The following KATNIP variants were observed in gnomAD, a reference collection of about 807,000 sequenced individuals.
KATNIP encodes the protein katanin-interacting protein.
A neutral mutation model predicts 174.0 loss-of-function variants in KATNIP; 126 were observed. That is an observed-to-expected ratio of 0.72 (90% CI 0.63 to 0.84). The LOEUF is 0.84. KATNIP is among the 40% of genes least tolerant of loss of function. The probability of loss-of-function intolerance (pLI) is 0.00; values close to 1 mark genes in which losing one functional copy is unlikely to be tolerated. For missense variants in KATNIP, 1,958 were observed against 2,109.7 expected (o/e 0.93, Z 1.41); for synonymous variants, 810 against 835.7 (o/e 0.97, Z 0.53).
chr16:27,558,378 C>T (rs2141568764), intron 1 of KATNIP, among the ~76,000 whole-genome samples: 1 of 152,248 alleles, frequency 6.6e-6, no homozygotes, highest in Admixed American at 6.5e-5. Flanking sequence ...CTCCTGACCT[C>T]AAGTGATCTG....
chr16:27,669,059 T>C (rs1431538416), intron 6 of KATNIP, among the ~76,000 whole-genome samples: 1 of 152,174 alleles, frequency 6.6e-6, no homozygotes, highest in Non-Finnish European at 1.5e-5. Context: ...GTCAGCTTAG[T>C]GCCTGATAAT....
intron 8 of KATNIP, among the ~76,000 whole-genome samples, chr16:27,684,360 C>T (rs900408055): frequency 3.9e-5 from 6 of 152,286 alleles, no homozygotes; most frequent in South Asian, 2.1e-4. Context: ...CTTGTGCCAA[C>T]TAAACTATTA....
intron 5 of KATNIP, among the ~76,000 whole-genome samples, chr16:27,632,141 AC>A (rs1377735769): frequency 6.6e-6 from 1 of 152,100 alleles, no homozygotes; most frequent in Admixed American, 6.5e-5. Context: ...TGGATATTTT[AC>A]CTCATAGTCA....
At chr16:27,601,611 C>T (rs549314720) in intron 2 of KATNIP, among the ~76,000 whole-genome samples, 7 of 152,242 alleles carry the variant, frequency 4.6e-5, no homozygotes, top group Non-Finnish European at 7.3e-5. Flanking sequence ...CCACTGCGCC[C>T]GGCCGGCAAT....
At position 27,750,097 on chromosome 16, in the gene KATNIP, A is replaced by G. The variant is rs2081444669; in HGVS notation, c.3137A>G (p.His1046Arg). The G allele has an allele frequency of 6.2e-7, 1 of 1,614,120 alleles. No homozygotes were observed. Among genetic ancestry groups the G allele is most frequent in the Non-Finnish European group, 8.5e-7 (1 of 1,180,020 alleles). ...DGVNRTQDDM[H>R]VWLAPFTRGR... ...GTGAACAGGACCCAGGATGACATGC[A>G]TGTCTGGCTGGCCCCCTTCACGCGG... The change falls in exon 16 of 28, where the codon CAT becomes CGT. Residue 1046 changes from histidine (H) to arginine (R), a missense_variant. This residue lies in a region of KATNIP where 1,557 missense variants were observed against 1,617.8 expected (regional missense o/e 0.96). Transcript: ENST00000261588.
chr16:27,709,069 A>G (rs1032157278), intron 13 of KATNIP, 149 bp downstream of exon 13: 2 of 608,758 alleles, frequency 3.3e-6, no homozygotes, highest in Non-Finnish European at 5.6e-6. Flanking sequence ...CTGTAATCCC[A>G]GCACTTTGGG....
At chr16:27,674,591 C>T (rs2078041873) in intron 6 of KATNIP, among the ~76,000 whole-genome samples, 1 of 152,238 alleles carries the variant, frequency 6.6e-6, no homozygotes, top group South Asian at 2.1e-4. Context: ...CTGCTTCTCT[C>T]TCATAAGGAC....
At chr16:27,674,320 T>A (rs1252078721) in intron 6 of KATNIP, among the ~76,000 whole-genome samples, 1 of 152,184 alleles carries the variant, frequency 6.6e-6, no homozygotes, top group Non-Finnish European at 1.5e-5. Context: ...ATCAAGGCAT[T>A]TAGCAAACCT....
chr16:27,639,991 C>T (rs2076746330), intron 5 of KATNIP, among the ~76,000 whole-genome samples: 1 of 152,186 alleles, frequency 6.6e-6, no homozygotes, highest in Non-Finnish European at 1.5e-5. Flanking sequence ...CCCACACAAC[C>T]ATATGGGGCA....
chr16:27,623,839 A>G (rs79394084), intron 3 of KATNIP, among the ~76,000 whole-genome samples: 3,331 of 152,142 alleles, frequency 0.022, 138 homozygotes, highest in African/African-American at 0.076. Flanking sequence ...GTCACAATTA[A>G]GCCGCTGCCC....
At chr16:27,577,411 G>T (rs1354339997) in intron 2 of KATNIP, among the ~76,000 whole-genome samples, 1 of 152,100 alleles carries the variant, frequency 6.6e-6, no homozygotes, top group Non-Finnish European at 1.5e-5. Flanking sequence ...CAGGTGTGAG[G>T]CCAGGCATGG....
intron 20 of KATNIP, among the ~76,000 whole-genome samples, chr16:27,769,353 G>A (rs1339330329): frequency 6.6e-6 from 1 of 152,214 alleles, no homozygotes; most frequent in Non-Finnish European, 1.5e-5. Context: ...ATTGATGTGT[G>A]AGCCAGGGGT....
chr16:27,763,044 G>A (rs888683164), intron 19 of KATNIP, among the ~76,000 whole-genome samples: 11 of 152,116 alleles, frequency 7.2e-5, no homozygotes, highest in African/African-American at 1.9e-4. Flanking sequence ...TTGCCTGTGC[G>A]CAGTGGCTCA....
chr16:27,613,503 G>A lies in KATNIP; in HGVS notation c.64-4922G>A, dbSNP rs938355731. 4.6e-5 allele frequency among the ~76,000 whole-genome samples: 7 copies of A among 152,178 alleles called. No individual in the cohort carries two copies. The South Asian group carries it at 8.3e-4, about 18-fold the overall frequency. On this transcript the variant is annotated intron_variant, in intron 2 of 27. Transcript: ENST00000261588. ...GAAGTCCCATATTTCATCTAAAAAT[G>A]TCATCCACTGTTTCATGCCATACCC...
chr16:27,761,598 T>G lies in KATNIP; in HGVS notation c.3809+8T>G. On this transcript the variant is annotated splice_region_variant and intron_variant, in intron 19 of 27. Coordinates refer to ENST00000261588, the MANE Select transcript of KATNIP (RefSeq NM_015202.5). Reference sequence around the variant, plus strand: ...CTCCCGGGCCCTGGACAAGTAAGTGTCTATCAGAAGCTTTACTTTCATGCC... The same window carrying G: ...CTCCCGGGCCCTGGACAAGTAAGTGGCTATCAGAAGCTTTACTTTCATGCC... 1 of 1,610,570 alleles carries G rather than the reference T, an allele frequency of 6.2e-7. No homozygotes were observed.
intron 1 of KATNIP, among the ~76,000 whole-genome samples, chr16:27,569,240 G>T (rs529260953): frequency 6.6e-6 from 1 of 152,212 alleles, no homozygotes; most frequent in African/African-American, 2.4e-5. Flanking sequence ...AAGAAGATGC[G>T]ACTCCCCTCT....
chr16:27,606,349 TATATTTAGTCCTCTA>T (rs766307048), intron 2 of KATNIP, among the ~76,000 whole-genome samples: 1 of 152,004 alleles, frequency 6.6e-6, no homozygotes, highest in Non-Finnish European at 1.5e-5. Flanking sequence ...TTCATCAAGG[TATATTTAGTCCTCTA>T]TGAAATGCTT....
Position 27,772,219 on chromosome 16 carries a change from C to T in KATNIP, c.4198+567C>T, listed in dbSNP as rs796864937. On this transcript the variant is annotated intron_variant, in intron 22 of 27. Coordinates refer to ENST00000261588, the MANE Select transcript of KATNIP (RefSeq NM_015202.5). ...CCCAGGAGTTCGAGGCTGCAGTGAGCTCTGATTGCACCACTGTACTTTAGC... is the reference window on the plus strand; with the variant it reads ...CCCAGGAGTTCGAGGCTGCAGTGAGTTCTGATTGCACCACTGTACTTTAGC... Among the ~76,000 whole-genome samples, 4 of 152,314 alleles carry T rather than the reference C, an allele frequency of 2.6e-5. 1 individual carries two copies. In the South Asian group the frequency reaches 8.3e-4, roughly 32 times the overall value.
chr16:27,698,331 C>G lies in KATNIP; in HGVS notation c.944C>G (p.Pro315Arg). 1 of 1,607,716 alleles carries G rather than the reference C, an allele frequency of 6.2e-7. No homozygotes were observed. The highest frequency in any genetic ancestry group is 1.1e-5 in the South Asian group (1 of 90,082). ...TCCCCCTGTCTTCTGCCCTCAGGAC[C>G]TGGAAGCCGGCGAGAGAGACCCCTG... ...FPDQERMCSR[P>R]GSRRERPLSA... The change falls in exon 9 of 28, where the codon CCT becomes CGT. Residue 315 changes from proline (P) to arginine (R), a missense_variant. Physicochemically the swap from Pro to Arg is moderately radical, Grantham distance 103. Around this residue, in one of 3 missense-constraint regions of KATNIP, gnomAD observed 1,557 missense variants for 1,617.8 expected, o/e 0.96. Transcript: ENST00000261588.
Sources: gnomAD v4.1 joint callset for allele counts (sites outside exome capture counted in the v4.1 genomes callset) on GRCh38, gnomAD v4.1.1 for gene constraint, gnomAD v4.1.1 regional missense constraint, MANE v1.5 for transcripts, NCBI Gene and HGNC (gene_info 2026-07-23, HGNC 2026-07-21) for gene names.